The following GPM6A variants were observed in gnomAD, a reference collection of about 807,000 sequenced individuals.
GPM6A encodes the protein neuronal membrane glycoprotein M6-a.
GPM6A carries 7 observed loss-of-function variants against 32.1 expected under a neutral mutation model. The observed-to-expected ratio is 0.22, with a 90% CI of 0.12 to 0.41. The LOEUF (loss-of-function observed/expected upper bound fraction) is 0.41, where lower values mean the gene tolerates loss of function less well. Among genes scored for constraint, GPM6A ranks in the 10% least tolerant of loss-of-function variants. The probability of loss-of-function intolerance (pLI) is 1.00; values close to 1 mark genes in which losing one functional copy is unlikely to be tolerated. For synonymous variants in GPM6A, 130 were observed against 123.4 expected (o/e 1.05, Z -0.35); for missense variants, 235 against 347.2 (o/e 0.68, Z 2.57).
intron 1 of GPM6A, among the ~76,000 whole-genome samples, chr4:175,906,459 C>T (rs1032066823): frequency 6.6e-6 from 1 of 151,974 alleles, no homozygotes; most frequent in Non-Finnish European, 1.5e-5. Flanking sequence ...TAGATAAAAA[C>T]CAATTTTAGA....
chr4:175,639,983 C>T, intron 6 of GPM6A, 146 bp downstream of exon 6: 1 of 726,972 alleles, frequency 1.4e-6, no homozygotes, highest in Non-Finnish European at 2.5e-6. Context: ...GACTTACTTA[C>T]CCATTGTTTT....
chr4:175,669,981 C>A (rs538118667), intron 3 of GPM6A, among the ~76,000 whole-genome samples: 4 of 151,564 alleles, frequency 2.6e-5, no homozygotes, highest in Non-Finnish European at 5.9e-5. Flanking sequence ...AACATGGAAC[C>A]GGGTGTTCTT....
chr4:175,875,732 T>G (rs183089729), intron 1 of GPM6A, among the ~76,000 whole-genome samples: 180 of 152,312 alleles, frequency 1.2e-3, no homozygotes, highest in African/African-American at 4.2e-3. Context: ...ATGACGTTTT[T>G]CCCAACTCAG....
At chr4:175,929,882 A>T (rs986041911) in intron 1 of GPM6A, among the ~76,000 whole-genome samples, 2 of 152,312 alleles carry the variant, frequency 1.3e-5, no homozygotes, top group East Asian at 3.9e-4. Context: ...CAACAGTGGT[A>T]GAAGAAATAT....
chr4:175,949,641 G>C (rs1397085090), intron 1 of GPM6A, among the ~76,000 whole-genome samples: 3 of 152,120 alleles, frequency 2.0e-5, no homozygotes, highest in Non-Finnish European at 1.5e-5. Flanking sequence ...CTTATCAAGA[G>C]CTAACTTTAG....
chr4:175,749,203 C>CA (rs929126623), intron 1 of GPM6A, among the ~76,000 whole-genome samples: 55 of 133,852 alleles, frequency 4.1e-4, no homozygotes, highest in African/African-American at 1.2e-3. Context: ...CAGTTTTTGC[C>CA]AAAAAAAAGG....
At position 175,969,396 on chromosome 4, in the gene GPM6A, G is replaced by A. The variant is rs573530814; in HGVS notation, c.-23+32913C>T. The stretch of plus-strand genomic sequence containing the variant: ...GCAACACGATTGATTGACCCCAAAT[G>A]TAAACTATGGACATTAATAGTAATA... On this transcript the variant is annotated intron_variant, in intron 1 of 7. Transcript: ENST00000280187. Among the ~76,000 whole-genome samples the A allele has an allele frequency of 9.2e-5, 14 of 152,194 alleles. No homozygotes were observed. In the South Asian group the frequency reaches 2.1e-3, roughly 23 times the overall value.
intron 2 of GPM6A, among the ~76,000 whole-genome samples, chr4:175,676,486 C>A (rs541651226): frequency 2.6e-5 from 4 of 152,194 alleles, no homozygotes; most frequent in Non-Finnish European, 5.9e-5. Context: ...CAGTGGCTCA[C>A]GCCTGCAATC....
chr4:175,697,444 G>A (rs554911529), intron 2 of GPM6A, among the ~76,000 whole-genome samples: 5 of 152,214 alleles, frequency 3.3e-5, no homozygotes, highest in African/African-American at 9.6e-5. Flanking sequence ...AGCAGAAAGC[G>A]GCAGAGCTGT....
intron 1 of GPM6A, among the ~76,000 whole-genome samples, chr4:175,794,133 C>T (rs1734119421): frequency 6.6e-6 from 1 of 152,198 alleles, no homozygotes; most frequent in Admixed American, 6.5e-5. Context: ...TCACCACTTA[C>T]TGCTGAGTGA....
Position 175,717,572 on chromosome 4 carries a change from G to A in GPM6A, c.38-15805C>T, listed in dbSNP as rs113777170. 4.6e-3 allele frequency among the ~76,000 whole-genome samples: 696 copies of A among 152,158 alleles called. 4 individuals are homozygous for A. The highest frequency in any genetic ancestry group is 6.8e-3 in the Non-Finnish European group (463 of 68,008). On this transcript the variant is annotated intron_variant, in intron 1 of 6. Transcript: ENST00000393658. ...GTATAAAATGCTATTTCCACATATA[G>A]ACATAGACATGAGTAATAAAAGATA...
intron 1 of GPM6A, among the ~76,000 whole-genome samples, chr4:175,781,942 G>C (rs1378394944): frequency 6.6e-6 from 1 of 152,072 alleles, no homozygotes; most frequent in Non-Finnish European, 1.5e-5. Context: ...TTTTCATAAA[G>C]ATTCAAAGGT....
chr4:175,812,586 T>C (rs1734974455), upstream of GPM6A: 1 of 1,021,670 alleles, frequency 9.8e-7, no homozygotes, highest in African/African-American at 1.7e-5. Flanking sequence ...AGAGACACTA[T>C]GATTCACAAG....
chr4:175,662,697 C>G (rs1174649268), intron 3 of GPM6A, among the ~76,000 whole-genome samples: 1 of 151,756 alleles, frequency 6.6e-6, no homozygotes, highest in South Asian at 2.1e-4. Flanking sequence ...TAGACATTTA[C>G]CTATCTAACA....
intron 1 of GPM6A, among the ~76,000 whole-genome samples, chr4:175,754,485 G>T (rs113508611): frequency 1.1e-4 from 17 of 152,198 alleles, no homozygotes; most frequent in African/African-American, 4.1e-4. Flanking sequence ...TGTTAAATTT[G>T]TATTTCTATT....
At chr4:175,668,497 A>G (rs6824554) in intron 3 of GPM6A, among the ~76,000 whole-genome samples, 118,927 of 149,892 alleles carry the variant, frequency 0.79, 50,020 homozygotes, top group Non-Finnish European at 0.93. Flanking sequence ...TTCTATTCCC[A>G]CAGTTTAGGA....
intron 3 of GPM6A, among the ~76,000 whole-genome samples, chr4:175,656,360 C>T (rs1009159094): frequency 1.1e-4 from 17 of 152,218 alleles, no homozygotes; most frequent in African/African-American, 3.9e-4. Context: ...AACAAGCATC[C>T]TCCTACTATA....
chr4:175,726,242 G>T (rs999502412), intron 1 of GPM6A, among the ~76,000 whole-genome samples: 1 of 151,572 alleles, frequency 6.6e-6, no homozygotes, highest in African/African-American at 2.4e-5. Flanking sequence ...CTCGTGATCT[G>T]CCCTCCTCGG....
At chr4:175,690,497 T>A (rs1744236013) in intron 2 of GPM6A, among the ~76,000 whole-genome samples, 1 of 152,222 alleles carries the variant, frequency 6.6e-6, no homozygotes. Context: ...TGGGCTGACA[T>A]CAAGGTATTG....
Sources: allele counts gnomAD v4.1 joint callset (sites outside exome capture counted in the v4.1 genomes callset), GRCh38; gene constraint gnomAD v4.1.1; transcripts MANE v1.5; gene names NCBI Gene and HGNC (gene_info 2026-07-23, HGNC 2026-07-21).